Variants in TRIM33 observed in about 807,000 individuals in gnomAD.
The protein encoded by TRIM33 is tripartite motif containing 33.
In TRIM33, 20 loss-of-function variants were observed where a neutral mutation model predicts 125.4. The ratio of observed to expected loss-of-function variants is 0.16; its 90% CI spans 0.11 to 0.23. The LOEUF (loss-of-function observed/expected upper bound fraction) is 0.23. TRIM33 is among the 10% of genes least tolerant of loss of function. TRIM33 has a pLI of 1.00. For missense variants in TRIM33, 920 were observed against 1,411.4 expected (o/e 0.65, Z 5.58); for synonymous variants, 564 against 513.9 (o/e 1.10, Z -1.32).
At chr1:114,399,368 T>G in intron 18 of TRIM33, 89 bp downstream of exon 18, 2 of 1,365,572 alleles carry the variant, frequency 1.5e-6, no homozygotes, top group Admixed American at 2.4e-5. Context: ...AAAAAAAATT[T>G]TAATAAAATT....
intron 1 of TRIM33, among the ~76,000 whole-genome samples, chr1:114,474,912 A>G (rs1650885577): frequency 6.6e-6 from 1 of 151,628 alleles, no homozygotes; most frequent in African/African-American, 2.4e-5. Context: ...AAAAACAAGC[A>G]GGAGTGGCTA....
intron 1 of TRIM33, among the ~76,000 whole-genome samples, chr1:114,465,673 ACT>A (rs1164081103): frequency 2.6e-5 from 4 of 152,016 alleles, no homozygotes; most frequent in Admixed American, 1.3e-4. Flanking sequence ...AAAAATAACT[ACT>A]GTTATATATT....
intron 1 of TRIM33, among the ~76,000 whole-genome samples, chr1:114,507,734 CT>C (rs1306792594): frequency 6.6e-6 from 1 of 152,212 alleles, no homozygotes; most frequent in Non-Finnish European, 1.5e-5. Flanking sequence ...ATCTAGTGCT[CT>C]TTCCAGCACA....
intron 18 of TRIM33, among the ~76,000 whole-genome samples, chr1:114,398,808 G>T (rs1651692998): frequency 7.0e-6 from 1 of 143,160 alleles, no homozygotes; most frequent in South Asian, 2.2e-4. Context: ...AACAATAATA[G>T]AATCGATTTT....
chr1:114,504,956 G>C (rs7535529), intron 1 of TRIM33, among the ~76,000 whole-genome samples: 9,610 of 152,162 alleles, frequency 0.063, 324 homozygotes, highest in African/African-American at 0.086. Flanking sequence ...AAGACAACGG[G>C]GGGACAAATG....
At chr1:114,483,223 C>A (rs1039863367) in intron 1 of TRIM33, among the ~76,000 whole-genome samples, 2 of 151,918 alleles carry the variant, frequency 1.3e-5, no homozygotes, top group African/African-American at 4.8e-5. Flanking sequence ...AAGAGGACTG[C>A]TTGAGCCTAT....
chr1:114,487,906 A>AAAAG (rs1651812942), intron 1 of TRIM33, among the ~76,000 whole-genome samples: 1 of 145,706 alleles, frequency 6.9e-6, no homozygotes, highest in African/African-American at 2.5e-5. Context: ...TCCGTCTCAA[A>AAAAG]AAAAAAAAAA....
At chr1:114,510,449 G>T (rs1043471421) in intron 1 of TRIM33, 102 bp downstream of exon 1, 18 of 1,156,202 alleles carry the variant, frequency 1.6e-5, no homozygotes, top group African/African-American at 4.9e-5. Flanking sequence ...TCGGGATGGC[G>T]CCCGTCCGAG....
chr1:114,401,352 A>G, intron 17 of TRIM33, 37 bp downstream of exon 17: 1 of 1,574,408 alleles, frequency 6.4e-7, no homozygotes, highest in East Asian at 2.3e-5. Flanking sequence ...AAGTATTATG[A>G]GACTTCCCCA....
At chr1:114,464,789 A>G (rs1223395804) in intron 1 of TRIM33, among the ~76,000 whole-genome samples, 1 of 152,226 alleles carries the variant, frequency 6.6e-6, no homozygotes. Flanking sequence ...GGGGAGGAAG[A>G]GGAAGGTAAG....
At chr1:114,431,927 T>A (rs967751495) in intron 5 of TRIM33, among the ~76,000 whole-genome samples, 2 of 152,158 alleles carry the variant, frequency 1.3e-5, no homozygotes, top group Non-Finnish European at 2.9e-5. Flanking sequence ...TAGAAATCAC[T>A]AAGCATGCTG....
At chr1:114,473,348 G>C (rs1234034814) in intron 1 of TRIM33, among the ~76,000 whole-genome samples, 2 of 151,978 alleles carry the variant, frequency 1.3e-5, no homozygotes, top group South Asian at 4.1e-4. Context: ...AATGGTGAAC[G>C]CACACCTGGA....
At chr1:114,466,845 C>T (rs769544332) in intron 1 of TRIM33, among the ~76,000 whole-genome samples, 1 of 152,230 alleles carries the variant, frequency 6.6e-6, no homozygotes, top group Non-Finnish European at 1.5e-5. Context: ...GATCTGCTCG[C>T]CTTGGCCTCC....
rs966015137 is a variant in TRIM33, at chr1:114,511,123, C to G, written c.-47G>C. The G allele has an allele frequency of 4.7e-5, 52 of 1,112,734 alleles. No homozygotes were observed. The highest frequency in any genetic ancestry group is 5.4e-5 in the Non-Finnish European group (49 of 914,002). 68.9% of individuals were successfully genotyped at this position (1,112,734 alleles called of 1,614,324 possible). Reference sequence around the variant, plus strand: ...GGACCGCCCCGCGCCGCCCGCCGCCCGCGTCGCCGCCGCCGCCGCCCCCAG... The same window carrying G: ...GGACCGCCCCGCGCCGCCCGCCGCCGGCGTCGCCGCCGCCGCCGCCCCCAG... On this transcript the variant is annotated 5_prime_UTR_variant, in exon 1 of 20. Transcript: ENST00000358465.
intron 15 of TRIM33, chr1:114,404,302 A>T (rs1652097401): frequency 6.6e-6 from 1 of 151,250 alleles, no homozygotes; most frequent in African/African-American, 2.4e-5. Context: ...TGCCTGGCTA[A>T]GTTCTTTTTT....
At chr1:114,504,210 G>A (rs180848891) in intron 1 of TRIM33, among the ~76,000 whole-genome samples, 1 of 151,624 alleles carries the variant, frequency 6.6e-6, no homozygotes, top group Non-Finnish European at 1.5e-5. Flanking sequence ...CATTGCCAAG[G>A]CTGGAGTACA....
At chr1:114,480,288 C>A (rs1194310168) in intron 1 of TRIM33, among the ~76,000 whole-genome samples, 1 of 151,888 alleles carries the variant, frequency 6.6e-6, no homozygotes, top group South Asian at 2.1e-4. Flanking sequence ...CAGTATGCTC[C>A]TTAAGAGTCA....
At position 114,464,251 on chromosome 1, in the gene TRIM33, GA is replaced by G; in HGVS notation, c.645+18del. 7.3e-7 allele frequency: 1 copy of G among 1,376,076 alleles called. No homozygotes were observed. Among genetic ancestry groups the G allele is most frequent in the Non-Finnish European group, 1.0e-6 (1 of 989,248 alleles). The allele number at this position is 1,376,076 out of a possible 1,614,324, so 85.2% of individuals were successfully genotyped here. ...TTTGATATCAAGATAGGAATATAAA[GA>G]AAAATTGAGAAGCATACCTGTTCTG... On this transcript the variant is annotated intron_variant, in intron 2 of 19. Coordinates refer to ENST00000358465, the MANE Select transcript of TRIM33 (RefSeq NM_015906.4).
At position 114,510,536 on chromosome 1, in the gene TRIM33, G is replaced by A. The variant is rs757566238; in HGVS notation, c.526+15C>T. The A allele has an allele frequency of 2.7e-5, 39 of 1,460,268 alleles. No individual in the cohort carries two copies. The highest frequency in any genetic ancestry group is 2.4e-5 in the Non-Finnish European group (27 of 1,107,374). 90.5% of individuals were successfully genotyped at this position (1,460,268 alleles called of 1,614,324 possible). On this transcript the variant is annotated intron_variant, in intron 1 of 19. Transcript: ENST00000358465. ...TCCCTTGCGGCCCAGATGCCAGGCA[G>A]GGCCTCCGGCTCACCTTGCTGGATG...
Sources: allele counts gnomAD v4.1 joint callset (sites outside exome capture counted in the v4.1 genomes callset), GRCh38; gene constraint gnomAD v4.1.1; transcripts MANE v1.5; gene names NCBI Gene and HGNC (gene_info 2026-07-23, HGNC 2026-07-21).